Variants in ADGB observed in about 807,000 individuals in gnomAD.
The protein encoded by ADGB is androglobin.
In ADGB, 172 loss-of-function variants were observed where a neutral mutation model predicts 210.5. That is an observed-to-expected ratio of 0.82 (90% CI 0.72 to 0.93). The LOEUF (loss-of-function observed/expected upper bound fraction) is 0.93. Ranked by LOEUF, ADGB falls within the 40% of genes least tolerant of loss-of-function variation. The pLI is 0.00. For synonymous variants in ADGB, 658 were observed against 662.7 expected, an observed-to-expected ratio of 0.99 and a Z score of 0.11; for missense variants, 2,025 against 1,964.8, an observed-to-expected ratio of 1.03 and a Z score of -0.58.
chr6:146,800,792 A>T (rs984635168), intron 33 of ADGB, among the ~76,000 whole-genome samples: 5 of 152,218 alleles, frequency 3.3e-5, no homozygotes, highest in African/African-American at 1.2e-4. Flanking sequence ...GGTAGTACTT[A>T]GTGTAGCATT....
At chr6:146,768,679 G>T (rs978925882) in intron 28 of ADGB, among the ~76,000 whole-genome samples, 1 of 152,096 alleles carries the variant, frequency 6.6e-6, no homozygotes, top group African/African-American at 2.4e-5. Flanking sequence ...TCACAAAGAA[G>T]AGAAAACCCT....
chr6:146,652,973 G>A (rs114421490), intron 3 of ADGB, among the ~76,000 whole-genome samples: 2,482 of 152,226 alleles, frequency 0.016, 74 homozygotes, highest in African/African-American at 0.056. Context: ...CAGGAGGTGA[G>A]CAGCGGGCGA....
intron 3 of ADGB, among the ~76,000 whole-genome samples, chr6:146,651,354 G>T (rs1273128855): frequency 6.6e-6 from 1 of 152,166 alleles, no homozygotes; most frequent in East Asian, 1.9e-4. Context: ...ATTAGTAACC[G>T]ACTCAAATTT....
chr6:146,641,587 C>T (rs770720726), intron 2 of ADGB, among the ~76,000 whole-genome samples: 15 of 151,808 alleles, frequency 9.9e-5, no homozygotes, highest in Non-Finnish European at 2.1e-4. Context: ...GTAGAGAGCC[C>T]ATAAGTAAGA....
intron 19 of ADGB, among the ~76,000 whole-genome samples, chr6:146,728,009 C>T (rs767133209): frequency 6.6e-6 from 1 of 152,132 alleles, no homozygotes; most frequent in African/African-American, 2.4e-5. Context: ...TCCAATTTTA[C>T]TTTTTTCATG....
At chr6:146,709,218 A>G (rs1422391187) in intron 13 of ADGB, among the ~76,000 whole-genome samples, 2 of 152,114 alleles carry the variant, frequency 1.3e-5, no homozygotes, top group Non-Finnish European at 2.9e-5. Flanking sequence ...ATAAATCTCT[A>G]TTTCATTAGA....
At chr6:146,701,341 G>T (rs1776486935) in intron 13 of ADGB, among the ~76,000 whole-genome samples, 1 of 151,868 alleles carries the variant, frequency 6.6e-6, no homozygotes, top group South Asian at 2.1e-4. Context: ...TTCTCATTTT[G>T]CCAATTATAA....
chr6:146,745,994 C>T lies in ADGB; in HGVS notation c.3250C>T (p.Leu1084Phe). Residue 1084 changes from leucine to phenylalanine, a missense_variant, in exon 26 of 36, where the codon CTC becomes TTC. Leu to Phe is a conservative substitution (Grantham distance 22, BLOSUM62 0). Transcript: ENST00000397944. ...AGCAGCCTCACGATGGAAACTGCGT[C>T]TCATCGGTTCTTCTGCTCCACTGCC... ...YVAASRWKLR[L>F]IGSSAPLPCL... is the part of the protein sequence containing the mutation. 1.3e-6 allele frequency: 2 copies of T among 1,551,372 alleles called. No individual in the cohort carries two copies. The highest frequency in any genetic ancestry group is 8.7e-7 in the Non-Finnish European group (1 of 1,146,796).
intron 28 of ADGB, among the ~76,000 whole-genome samples, chr6:146,766,970 T>C (rs1462025768): frequency 6.6e-6 from 1 of 152,194 alleles, no homozygotes. Context: ...AACAATCATA[T>C]AATCCTGAAA....
chr6:146,778,949 A>C (rs1777758886), intron 29 of ADGB, among the ~76,000 whole-genome samples: 1 of 152,218 alleles, frequency 6.6e-6, no homozygotes, highest in African/African-American at 2.4e-5. Context: ...GAAACTTATA[A>C]AAGTCTGCAG....
At chr6:146,616,117 G>T (rs141508219) in intron 1 of ADGB, among the ~76,000 whole-genome samples, 146 of 152,180 alleles carry the variant, frequency 9.6e-4, no homozygotes, top group African/African-American at 3.2e-3. Flanking sequence ...TTAACTGAGG[G>T]TGTAATGGTG....
chr6:146,806,429 CTCTCTT>C (rs1425360678), intron 35 of ADGB, among the ~76,000 whole-genome samples: 1 of 152,190 alleles, frequency 6.6e-6, no homozygotes, highest in Non-Finnish European at 1.5e-5. Context: ...CTGTCTCTTT[CTCTCTT>C]TAATATGTCA....
intron 5 of ADGB, 134 bp downstream of exon 5, chr6:146,657,114 C>A: frequency 1.3e-6 from 1 of 760,642 alleles, no homozygotes; most frequent in Non-Finnish European, 2.1e-6. Context: ...CACCTGAGAT[C>A]AGGAGTTCGC....
chr6:146,681,285 G>T (rs1776153718), intron 9 of ADGB, among the ~76,000 whole-genome samples: 1 of 151,930 alleles, frequency 6.6e-6, no homozygotes, highest in Non-Finnish European at 1.5e-5. Flanking sequence ...CTACTCTCTT[G>T]CTTGCTCCCA....
chr6:146,802,045 G>A, intron 35 of ADGB, 34 bp downstream of exon 35: 4 of 1,368,532 alleles, frequency 2.9e-6, no homozygotes, highest in South Asian at 1.9e-5. Flanking sequence ...GATTATAGTT[G>A]GCAAATTCTT....
At chr6:146,661,220 C>CTTTTTTTTTTTTTTTTTTTTTTTTT (rs5880682) in intron 5 of ADGB, among the ~76,000 whole-genome samples, 2 of 116,066 alleles carry the variant, frequency 1.7e-5, no homozygotes, top group Non-Finnish European at 3.4e-5. Flanking sequence ...TTCTTTTTTT[C>CTTTTTTTTTTTTTTTTTTTTTTTTT]TTTTTTTTTT....
Position 146,788,606 on chromosome 6 carries a change from C to T in ADGB, c.4533C>T (p.Asn1511=), listed in dbSNP as rs1361306049. The T allele has an allele frequency of 6.4e-7, 1 of 1,550,896 alleles. No individual in the cohort carries two copies. Among genetic ancestry groups the T allele is most frequent in the Non-Finnish European group, 8.7e-7 (1 of 1,146,486 alleles). The change falls in exon 33 of 36, where the codon AAC becomes AAT. Residue 1511 remains asparagine (N), a synonymous_variant. Coordinates refer to ENST00000397944, the MANE Select transcript of ADGB (RefSeq NM_024694.4). ...GCGAGCAGAGCACACGGAAGGAAAA[C>T]ATTCGTAAGTATTGCTGTCATTGGT... ...EEREQSTRKE[N]IQTGPRTRSP...
At chr6:146,626,616 T>G (rs998220976) in intron 1 of ADGB, among the ~76,000 whole-genome samples, 2 of 152,026 alleles carry the variant, frequency 1.3e-5, no homozygotes, top group Non-Finnish European at 2.9e-5. Flanking sequence ...ATTTACATTG[T>G]GTTTTAATGA....
intron 29 of ADGB, 39 bp downstream of exon 29, chr6:146,769,170 T>C: frequency 1.0e-6 from 1 of 963,386 alleles, no homozygotes; most frequent in Non-Finnish European, 1.6e-6. Context: ...ACTTTACATT[T>C]GAATAAGTTG....
Sources: gnomAD v4.1 joint callset for allele counts (sites outside exome capture counted in the v4.1 genomes callset) on GRCh38, gnomAD v4.1.1 for gene constraint, MANE v1.5 for transcripts, NCBI Gene and HGNC (gene_info 2026-07-23, HGNC 2026-07-21) for gene names.